The following XKRX variants were observed in gnomAD, a reference collection of about 807,000 sequenced individuals.
XKRX encodes XK related X-linked, also known as XK-related protein 2.
A neutral mutation model predicts 22.4 loss-of-function variants in XKRX; 11 were observed. That is an observed-to-expected ratio of 0.49 (90% confidence interval 0.31 to 0.81). The LOEUF (loss-of-function observed/expected upper bound fraction) is 0.81, where lower values mean the gene tolerates loss of function less well. Ranked by LOEUF, XKRX falls within the 40% of genes least tolerant of loss-of-function variation. The pLI is 0.05. For missense variants in XKRX, 320 were observed against 336.5 expected, an observed-to-expected ratio of 0.95 and a Z score of 0.38; for synonymous variants, 114 against 132.2, an observed-to-expected ratio of 0.86 and a Z score of 0.94.
At chrX:100,917,657 G>C (rs753407135) in intron 2 of XKRX, among the ~76,000 whole-genome samples, 5 of 42,290 alleles carry the variant, frequency 1.2e-4, no homozygotes, top group African/African-American at 5.9e-4. Context: ...AAGAAAGAAA[G>C]AAAGAAAGAA....
At chrX:100,946,153 C>T in the XKRX span, among the ~76,000 whole-genome samples, 1 of 107,801 alleles carries the variant, frequency 9.3e-6, no homozygotes, top group Non-Finnish European at 1.9e-5. Context: ...GCCATGCACT[C>T]TAGCCCGGGC....
upstream of XKRX, among the ~76,000 whole-genome samples, chrX:100,933,421 G>A (rs1388296006): frequency 9.5e-6 from 1 of 105,384 alleles, no homozygotes; most frequent in Non-Finnish European, 1.9e-5. Context: ...GGTAGAGGTT[G>A]CAGTGAACCG....
At chrX:100,935,780 T>C in the XKRX span, among the ~76,000 whole-genome samples, 13 of 112,454 alleles carry the variant, frequency 1.2e-4, no homozygotes, top group Admixed American at 1.2e-3. Flanking sequence ...GGCATTTCCC[T>C]CAATCAATCT....
the XKRX span, among the ~76,000 whole-genome samples, chrX:100,893,707 C>A: frequency 8.9e-6 from 1 of 111,924 alleles, no homozygotes; most frequent in Non-Finnish European, 1.9e-5. Flanking sequence ...TGAACCAACA[C>A]AGAAGCAGAA....
At chrX:100,957,100 G>C in the XKRX span, 1 of 1,156,714 alleles carries the variant, frequency 8.6e-7, no homozygotes, top group Non-Finnish European at 1.2e-6. Flanking sequence ...GTGGTGTTCA[G>C]TCTTTACAAT....
chrX:100,945,222 G>A, the XKRX span, among the ~76,000 whole-genome samples: 1 of 99,995 alleles, frequency 1.0e-5, no homozygotes, highest in Non-Finnish European at 2.0e-5. Flanking sequence ...AGGACTACAG[G>A]TTATGCACCA....
At chrX:100,946,777 C>T in the XKRX span, among the ~76,000 whole-genome samples, 2 of 111,733 alleles carry the variant, frequency 1.8e-5, no homozygotes, top group African/African-American at 6.5e-5. Context: ...GATGTCCTGC[C>T]AGGGATCTCC....
the XKRX span, among the ~76,000 whole-genome samples, chrX:100,891,567 T>G: frequency 6.4e-5 from 7 of 109,406 alleles, no homozygotes; most frequent in African/African-American, 1.3e-4. Context: ...TTAACAAAGG[T>G]ACCAATGGGG....
At chrX:100,922,364 A>G (rs1013955577) in intron 2 of XKRX, among the ~76,000 whole-genome samples, 10 of 112,354 alleles carry the variant, frequency 8.9e-5, no homozygotes, top group Admixed American at 8.5e-4. Context: ...ACAAAACAAC[A>G]GCATAATTTA....
intron 1 of XKRX, among the ~76,000 whole-genome samples, chrX:100,925,734 A>C (rs1418881559): frequency 8.9e-6 from 1 of 112,097 alleles, no homozygotes; most frequent in Non-Finnish European, 1.9e-5. Flanking sequence ...GGTCAAGATG[A>C]GGTCTTCCTT....
the XKRX span, among the ~76,000 whole-genome samples, chrX:100,897,383 A>G: frequency 0.47 from 50,767 of 108,121 alleles, 8,823 homozygotes; most frequent in Middle Eastern, 0.51. Flanking sequence ...TCAGGAGTTC[A>G]AGACTAGCCT....
the XKRX span, among the ~76,000 whole-genome samples, chrX:100,901,837 C>T: frequency 7.3e-3 from 799 of 109,819 alleles, 6 homozygotes; most frequent in African/African-American, 0.026. Context: ...CTGTCTCTAC[C>T]AAAAATACAA....
chrX:100,927,651 T>A lies in XKRX; in HGVS notation c.335+319A>T, dbSNP rs192929754. Among the ~76,000 whole-genome samples the A allele has an allele frequency of 1.7e-3, 187 of 110,440 alleles. 2 individuals carry two copies. In the East Asian group the frequency reaches 0.025, roughly 15 times the overall value. Reference sequence around the variant, plus strand: ...AAGACCTTGTCTCAGAAAAAAAAAATTTTTTAAATAAAATTACACACTCTG... The same window carrying A: ...AAGACCTTGTCTCAGAAAAAAAAAAATTTTTAAATAAAATTACACACTCTG... On this transcript the variant is annotated intron_variant, in intron 1 of 2. Coordinates refer to ENST00000372956, the MANE Select transcript of XKRX (RefSeq NM_212559.3).
chrX:100,929,312 C>G (rs1226779657), upstream of XKRX: 2 of 111,698 alleles, frequency 1.8e-5, no homozygotes, highest in African/African-American at 6.5e-5. Flanking sequence ...CCGGAGAGTT[C>G]CCGGGCAGGC....
the XKRX span, among the ~76,000 whole-genome samples, chrX:100,905,527 A>G: frequency 8.9e-6 from 1 of 112,477 alleles, no homozygotes; most frequent in East Asian, 2.8e-4. Flanking sequence ...GTTGCAAAAC[A>G]CTAAACACAG....
the XKRX span, among the ~76,000 whole-genome samples, chrX:100,943,721 A>G: frequency 1.8e-5 from 2 of 111,768 alleles, no homozygotes; most frequent in Non-Finnish European, 3.8e-5. Context: ...TGGTTTTCAT[A>G]TATTTTGCTA....
At chrX:100,893,401 T>C in the XKRX span, among the ~76,000 whole-genome samples, 2 of 112,215 alleles carry the variant, frequency 1.8e-5, no homozygotes, top group African/African-American at 3.2e-5. Flanking sequence ...AAAAACAGTA[T>C]GGAGATATCT....
the XKRX span, among the ~76,000 whole-genome samples, chrX:100,893,510 C>G: frequency 8.9e-6 from 1 of 112,078 alleles, no homozygotes; most frequent in Non-Finnish European, 1.9e-5. Context: ...GACACCTGCA[C>G]ACATATGTTT....
rs184814818 is a variant in XKRX, at chrX:100,928,372, C to T, written c.-68G>A. ...ACCCTCCCACCCATCCCCAAGAGAACCCTATGGCCGCTACAGTCCAAGTAT... is the reference window on the plus strand; with the variant it reads ...ACCCTCCCACCCATCCCCAAGAGAATCCTATGGCCGCTACAGTCCAAGTAT... On this transcript the variant is annotated 5_prime_UTR_variant, in exon 1 of 3. Transcript: ENST00000372956. 5.3e-4 allele frequency: 527 copies of T among 999,816 alleles called. 2 individuals are homozygous for T. The African/African-American group carries it at 8.9e-3, about 17-fold the overall frequency. 82.4% of individuals were successfully genotyped at this position (999,816 alleles called of 1,213,427 possible). A position where few individuals can be genotyped will look rare whatever the true frequency, so the allele number is the denominator to read the frequency against.
Sources: allele counts gnomAD v4.1 joint callset (sites outside exome capture counted in the v4.1 genomes callset), GRCh38; gene constraint gnomAD v4.1.1; transcripts MANE v1.5; gene names NCBI Gene and HGNC (gene_info 2026-07-23, HGNC 2026-07-21).